Variants in TMEM131L observed in about 807,000 individuals in gnomAD.
TMEM131L encodes the protein transmembrane protein 131-like.
In TMEM131L, 54 loss-of-function variants were observed where a neutral mutation model predicts 192.2. The ratio of observed to expected loss-of-function variants is 0.28; its 90% CI spans 0.23 to 0.35. The LOEUF (loss-of-function observed/expected upper bound fraction) is 0.35. Ranked by LOEUF, TMEM131L falls within the 10% of genes least tolerant of loss-of-function variation. TMEM131L has a pLI of 1.00. For missense variants in TMEM131L, 1,888 were observed against 1,972.9 expected (o/e 0.96, Z 0.82); for synonymous variants, 701 against 704.9 (o/e 0.99, Z 0.09).
At chr4:153,510,288 G>GAC (rs1734266681) in intron 3 of TMEM131L, among the ~76,000 whole-genome samples, 1 of 152,126 alleles carries the variant, frequency 6.6e-6, no homozygotes, top group Non-Finnish European at 1.5e-5. Context: ...TGTTTCAAGG[G>GAC]ACATGCAGGC....
At chr4:153,573,059 G>A (rs1260545309) in intron 7 of TMEM131L, among the ~76,000 whole-genome samples, 3 of 152,198 alleles carry the variant, frequency 2.0e-5, no homozygotes, top group Non-Finnish European at 4.4e-5. Flanking sequence ...TTTTAAGGCT[G>A]AATAATTTTC....
At chr4:153,569,088 C>T (rs1413009380) in intron 7 of TMEM131L, among the ~76,000 whole-genome samples, 1 of 152,102 alleles carries the variant, frequency 6.6e-6, no homozygotes, top group Non-Finnish European at 1.5e-5. Flanking sequence ...TTCTCTGTTG[C>T]CCACCAATTA....
rs1348275525 is a variant in TMEM131L at position 153,627,639 on chromosome 4, T to C, written c.4159T>C (p.Ser1387Pro). The C allele has an allele frequency of 2.5e-6, 4 of 1,614,096 alleles. No individual in the cohort carries two copies. Among genetic ancestry groups the C allele is most frequent in the Non-Finnish European group, 1.7e-6 (2 of 1,179,978 alleles). ...VNSLPQYAEP[S>P]CPSLPAGPTG... ...TAGTCTCCCACAATACGCAGAGCCT[T>C]CCTGTCCCAGCCTTCCTGCCGGGCC... Residue 1387 changes from serine (S) to proline (P), a missense_variant, in exon 31 of 35, where the codon TCC becomes CCC. Ser to Pro is a moderately conservative substitution (Grantham distance 74, BLOSUM62 -1). Coordinates refer to ENST00000409959, the MANE Select transcript of TMEM131L (RefSeq NM_001131007.2).
At chr4:153,635,652 T>C in intron 34 of TMEM131L, 81 bp downstream of exon 34, 3 of 1,509,142 alleles carry the variant, frequency 2.0e-6, no homozygotes, top group East Asian at 2.3e-5. Flanking sequence ...TGGTCTCAGC[T>C]AGCTTTAGCG....
At position 153,550,809 on chromosome 4, in the gene TMEM131L, G is replaced by A. The variant is rs553334823; in HGVS notation, c.308+668G>A. ...GGTTTTACTTCTTGCTGTGCCTTCT[G>A]GATTCAAAATTGCACCATGCTTACA... On this transcript the variant is annotated intron_variant, in intron 4 of 34. Coordinates refer to ENST00000409959, the MANE Select transcript of TMEM131L (RefSeq NM_001131007.2). Among the ~76,000 whole-genome samples, 8 of 152,252 alleles carry A rather than the reference G, an allele frequency of 5.3e-5. No individual in the cohort carries two copies. In the South Asian group the frequency reaches 1.4e-3, roughly 28 times the overall value.
Position 153,604,378 on chromosome 4 carries a change from C to G in TMEM131L, c.3366C>G (p.Asn1122Lys). Residue 1122 changes from asparagine (N) to lysine (K), a missense_variant, in exon 25 of 35, where the codon AAC becomes AAG. Transcript: ENST00000409959. ...KKLPENHLPRNSPQYHQPDLP... is the reference protein window; with the variant it reads ...KKLPENHLPRKSPQYHQPDLP... ...TACCTGAAAACCATTTACCAAGAAACTCACCTCAGTACCACCAGCCAGACT... is the reference window on the plus strand; with the variant it reads ...TACCTGAAAACCATTTACCAAGAAAGTCACCTCAGTACCACCAGCCAGACT... 1 of 1,613,222 alleles carries G rather than the reference C, an allele frequency of 6.2e-7. No individual in the cohort carries two copies. Among genetic ancestry groups the G allele is most frequent in the Non-Finnish European group, 8.5e-7 (1 of 1,179,746 alleles).
intron 26 of TMEM131L, among the ~76,000 whole-genome samples, chr4:153,616,062 G>T (rs181035923): frequency 6.6e-6 from 1 of 152,326 alleles, no homozygotes; most frequent in Admixed American, 6.5e-5. Context: ...GTCGGTCTCA[G>T]TGGTTATATA....
chr4:153,498,573 G>T (rs1428609829), intron 3 of TMEM131L, among the ~76,000 whole-genome samples: 1 of 152,180 alleles, frequency 6.6e-6, no homozygotes, highest in Non-Finnish European at 1.5e-5. Context: ...AGGGAAGTGG[G>T]GGGTGAGCAG....
In TMEM131L at chr4:153,474,192, C is replaced by G. The variant is rs1251027467; in HGVS notation, c.239+304C>G. Among the ~76,000 whole-genome samples, 3 of 152,222 alleles carry G rather than the reference C, an allele frequency of 2.0e-5. No individual in the cohort carries two copies. The East Asian group carries it at 5.8e-4, about 29-fold the overall frequency. ...CATCTATTGAGTGCCAGGCACCGTGCTGGGTGCTGAACATGAAACACAAAC... is the reference window on the plus strand; with the variant it reads ...CATCTATTGAGTGCCAGGCACCGTGGTGGGTGCTGAACATGAAACACAAAC... On this transcript the variant is annotated intron_variant, in intron 3 of 34. Transcript: ENST00000409959.
At chr4:153,542,055 T>C (rs1201640808) in intron 3 of TMEM131L, among the ~76,000 whole-genome samples, 3 of 152,186 alleles carry the variant, frequency 2.0e-5, no homozygotes, top group African/African-American at 7.2e-5. Flanking sequence ...CCATGGGAAA[T>C]GTACCAATGC....
chr4:153,475,066 C>T (rs1468269026), intron 3 of TMEM131L, among the ~76,000 whole-genome samples: 2 of 152,220 alleles, frequency 1.3e-5, no homozygotes, highest in Non-Finnish European at 2.9e-5. Flanking sequence ...TTCACAATCT[C>T]TTTTCTCCAC....
intron 3 of TMEM131L, among the ~76,000 whole-genome samples, chr4:153,509,119 G>A (rs1405650849): frequency 6.6e-6 from 1 of 151,170 alleles, no homozygotes; most frequent in East Asian, 2.0e-4. Flanking sequence ...TTGAGGCAGG[G>A]GGATCACTTG....
chr4:153,535,903 TGTCAC>T (rs539386751), intron 3 of TMEM131L, among the ~76,000 whole-genome samples: 52 of 152,382 alleles, frequency 3.4e-4, no homozygotes, highest in African/African-American at 1.1e-3. Context: ...TTTGTTTACT[TGTCAC>T]GGCAACGGCA....
intron 18 of TMEM131L, among the ~76,000 whole-genome samples, chr4:153,592,802 G>T (rs1731167811): frequency 6.6e-6 from 1 of 152,196 alleles, no homozygotes; most frequent in African/African-American, 2.4e-5. Context: ...GTGTTACTAT[G>T]CGAAGTCCAC....
At chr4:153,537,621 C>G (rs1279497310) in intron 3 of TMEM131L, among the ~76,000 whole-genome samples, 2 of 152,164 alleles carry the variant, frequency 1.3e-5, no homozygotes, top group African/African-American at 2.4e-5. Context: ...AGAGGTCGCT[C>G]TTGTGGCCAT....
At chr4:153,611,395 C>T (rs539716621) in intron 25 of TMEM131L, among the ~76,000 whole-genome samples, 114 of 152,330 alleles carry the variant, frequency 7.5e-4, no homozygotes, top group African/African-American at 2.3e-3. Flanking sequence ...TAGTGGCTGT[C>T]GTGACCAGAA....
chr4:153,578,707 A>G lies in TMEM131L; in HGVS notation c.661-2119A>G, dbSNP rs1730132562. On this transcript the variant is annotated intron_variant, in intron 7 of 34. Transcript: ENST00000409959. ...AGCTAATTTTTTGTATTTTTAGTAG[A>G]GACGGGGTTTCACCATGTTATCCAG... 3.3e-5 allele frequency among the ~76,000 whole-genome samples: 5 copies of G among 152,048 alleles called. No individual in the cohort carries two copies. The South Asian group carries it at 1.0e-3, about 31-fold the overall frequency.
intron 3 of TMEM131L, among the ~76,000 whole-genome samples, chr4:153,527,072 G>A (rs1314791956): frequency 6.6e-6 from 1 of 151,970 alleles, no homozygotes; most frequent in Admixed American, 6.6e-5. Context: ...TCCCTTTTTA[G>A]GAATCAGATG....
chr4:153,496,546 G>A (rs1207178810), intron 3 of TMEM131L, among the ~76,000 whole-genome samples: 1 of 152,158 alleles, frequency 6.6e-6, no homozygotes, highest in Admixed American at 6.5e-5. Context: ...TTAGGATTCA[G>A]TGTTTATGAA....
Sources: allele counts gnomAD v4.1 joint callset (sites outside exome capture counted in the v4.1 genomes callset), GRCh38; gene constraint gnomAD v4.1.1; transcripts MANE v1.5; gene names NCBI Gene and HGNC (gene_info 2026-07-23, HGNC 2026-07-21).